OPTC: variants seen among roughly 807,000 people sequenced by gnomAD.
OPTC encodes opticin, also known as oculoglycan.
OPTC carries 22 observed loss-of-function variants against 25.4 expected under a neutral mutation model. The ratio of observed to expected loss-of-function variants is 0.87; its 90% CI spans 0.62 to 1.24. The LOEUF is 1.24. Among genes scored for constraint, OPTC ranks in the 50% most tolerant of loss-of-function variants. The pLI is 0.00. For synonymous variants in OPTC, 169 were observed against 179.3 expected (o/e 0.94, Z 0.46); for missense variants, 417 against 425.2 (o/e 0.98, Z 0.17).
At chr1:203,505,731 T>C (rs1354001033) in intron 7 of OPTC, among the ~76,000 whole-genome samples, 1 of 152,130 alleles carries the variant, frequency 6.6e-6, no homozygotes, top group East Asian at 1.9e-4. Context: ...GGGAGGTGAC[T>C]TCATGCCGTC....
At chr1:203,504,423 G>A (rs895470631) in intron 7 of OPTC, among the ~76,000 whole-genome samples, 2 of 152,144 alleles carry the variant, frequency 1.3e-5, no homozygotes, top group Non-Finnish European at 2.9e-5. Context: ...CATCATATCG[G>A]TGGTTTAAAA....
At chr1:203,496,492 C>T (rs1041097805) in intron 2 of OPTC, among the ~76,000 whole-genome samples, 1 of 152,142 alleles carries the variant, frequency 6.6e-6, no homozygotes, top group Non-Finnish European at 1.5e-5. Context: ...GGGAGGGGTT[C>T]GCAATGTCCT....
rs773717416 is a variant in OPTC, at chr1:203,499,776, G to A, written c.657G>A (p.Leu219=). 1.9e-6 allele frequency: 3 copies of A among 1,612,816 alleles called. No homozygotes were observed. Among genetic ancestry groups the A allele is most frequent in the Admixed American group, 3.3e-5 (2 of 59,990 alleles). Residue 219 remains leucine (L), a synonymous_variant, in exon 5 of 8, where the codon CTG becomes CTA. Transcript: ENST00000367222. ...PENQLEALPV[L]PSGIEFLDVR... ...ACCAGTTGGAAGCTCTGCCCGTGCT[G>A]CCCAGTGGCATTGAGTTCCTGGATG...
In OPTC at chr1:203,498,681, G is replaced by T; in HGVS notation, c.371G>T (p.Gly124Val). 6.2e-7 allele frequency: 1 copy of T among 1,614,184 alleles called. No individual in the cohort carries two copies. Among genetic ancestry groups the T allele is most frequent in the Non-Finnish European group, 8.5e-7 (1 of 1,180,028 alleles). ...TTGTTCTGTCTTCCACCTGGGCCAG[G>T]TCTGCCCACCTGCCTGGTCTGCGTG... ...GLLLSSQPNH[G>V]LPTCLVCVCL... Residue 124 changes from glycine (G) to valine (V), a missense_variant and splice_region_variant, in exon 4 of 8, where the codon GGT becomes GTT. By Grantham distance (109) the Gly-to-Val change is moderately radical (BLOSUM62 -3). Transcript: ENST00000367222.
intron 4 of OPTC, among the ~76,000 whole-genome samples, chr1:203,499,082 G>A (rs148812166): frequency 1.3e-5 from 2 of 152,326 alleles, no homozygotes; most frequent in East Asian, 3.9e-4. Flanking sequence ...GCTGGGAGGG[G>A]AAGGTATGAT....
chr1:203,502,763 G>A, intron 5 of OPTC, 151 bp from the exon 6 acceptor site: 1 of 702,140 alleles, frequency 1.4e-6, no homozygotes, highest in Non-Finnish European at 2.6e-6. Flanking sequence ...GGCAACCCCT[G>A]TGGCACCCAG....
chr1:203,497,224 G>T (rs1461890478), intron 3 of OPTC, 109 bp downstream of exon 3: 1 of 1,160,488 alleles, frequency 8.6e-7, no homozygotes, highest in Non-Finnish European at 1.3e-6. Context: ...GGGGCATGGA[G>T]GGTCAGGGCT....
Position 203,496,120 on chromosome 1 carries a change from G to A in OPTC, c.115G>A (p.Asp39Asn), listed in dbSNP as rs538644252. Residue 39 changes from aspartate to asparagine, a missense_variant, in exon 2 of 8, where the codon GAT becomes AAT. Transcript: ENST00000367222. ...AGAGGAGCAGATGCCCAGGGAAGGCGATTCCTTTGAAGTTCTGCCTCTGCG... is the reference window on the plus strand; with the variant it reads ...AGAGGAGCAGATGCCCAGGGAAGGCAATTCCTTTGAAGTTCTGCCTCTGCG... ...RREEQMPREG[D>N]SFEVLPLRND... 26 of 1,614,076 alleles carry A rather than the reference G, an allele frequency of 1.6e-5. No individual in the cohort carries two copies. The highest frequency in any genetic ancestry group is 1.5e-4 in the African/African-American group (11 of 75,048).
At chr1:203,501,194 G>T (rs983546381) in intron 5 of OPTC, among the ~76,000 whole-genome samples, 1 of 152,116 alleles carries the variant, frequency 6.6e-6, no homozygotes, top group Non-Finnish European at 1.5e-5. Flanking sequence ...TCTGCCTCCC[G>T]TGTTCAAGCA....
At chr1:203,506,982 T>C (rs1661502016) in intron 7 of OPTC, among the ~76,000 whole-genome samples, 1 of 152,172 alleles carries the variant, frequency 6.6e-6, no homozygotes, top group African/African-American at 2.4e-5. Flanking sequence ...TCTTGGCTAA[T>C]CCCCCATTTT....
intron 1 of OPTC, among the ~76,000 whole-genome samples, chr1:203,495,163 A>T (rs1174854985): frequency 6.6e-6 from 1 of 152,182 alleles, no homozygotes; most frequent in Non-Finnish European, 1.5e-5. Context: ...TGTGCCTGGA[A>T]CTCAATAGAC....
At chr1:203,504,780 T>A (rs960483429) in intron 7 of OPTC, among the ~76,000 whole-genome samples, 36 of 152,250 alleles carry the variant, frequency 2.4e-4, no homozygotes, top group African/African-American at 7.2e-4. Flanking sequence ...TGAGCGTGGT[T>A]GGCTCAGCCA....
In OPTC at chr1:203,503,557, T is replaced by G; in HGVS notation, c.836T>G (p.Leu279Arg). Reference sequence around the variant, plus strand: ...GGTATGTGTTCTTCCCAGAATAACCTGATAGAGACCATGCAGAGAGACGTC... The same window carrying G: ...GGTATGTGTTCTTCCCAGAATAACCGGATAGAGACCATGCAGAGAGACGTC... ...SLRSVHLQNN[L>R]IETMQRDVFC... The change falls in exon 7 of 8, where the codon CTG becomes CGG. Residue 279 changes from leucine (L) to arginine (R), a missense_variant. Physicochemically the swap from Leu to Arg is moderately radical, Grantham distance 102. Transcript: ENST00000367222. 1 of 1,613,480 alleles carries G rather than the reference T, an allele frequency of 6.2e-7. No individual in the cohort carries two copies. Among genetic ancestry groups the G allele is most frequent in the Non-Finnish European group, 8.5e-7 (1 of 1,180,008 alleles).
chr1:203,502,993 G>C lies in OPTC; in HGVS notation c.812G>C (p.Arg271Pro). Residue 271 changes from arginine (R) to proline (P), a missense_variant, in exon 6 of 8, where the codon CGC becomes CCC. Physicochemically the swap from Arg to Pro is moderately radical, Grantham distance 103. Transcript: ENST00000367222. ...SIPGPLPLSLRSVHLQNNLIE... is the reference protein window; with the variant it reads ...SIPGPLPLSLPSVHLQNNLIE... ...CCGGGGCCTTTGCCCCTGAGCCTGC[G>C]CTCTGTACACCTGCAGGTAAGGAGC... 2.5e-6 allele frequency: 4 copies of C among 1,613,676 alleles called. No individual in the cohort carries two copies. Among genetic ancestry groups the C allele is most frequent in the Non-Finnish European group, 3.4e-6 (4 of 1,179,840 alleles).
intron 2 of OPTC, 42 bp downstream of exon 2, chr1:203,496,278 T>C (rs749619933): frequency 1.4e-5 from 21 of 1,449,014 alleles, no homozygotes; most frequent in Non-Finnish European, 2.0e-5. Flanking sequence ...TGCATGACAC[T>C]GGGAGTCAGA....
intron 1 of OPTC, 41 bp from the exon 2 acceptor site, chr1:203,495,924 T>C: frequency 1.1e-6 from 1 of 901,124 alleles, no homozygotes; most frequent in Non-Finnish European, 1.8e-6. Context: ...CTGGAGAGCC[T>C]GTCCCTCAGA....
At chr1:203,495,910 C>A in intron 1 of OPTC, 55 bp from the exon 2 acceptor site, 1 of 821,646 alleles carries the variant, frequency 1.2e-6, no homozygotes. Flanking sequence ...ATTCCCACAA[C>A]ACTCTGGAGA....
intron 7 of OPTC, among the ~76,000 whole-genome samples, chr1:203,504,116 A>T (rs1196668916): frequency 6.6e-6 from 1 of 152,200 alleles, no homozygotes; most frequent in Non-Finnish European, 1.5e-5. Flanking sequence ...GAGAGCAGTG[A>T]TGTGCTGGAG....
intron 2 of OPTC, among the ~76,000 whole-genome samples, chr1:203,496,514 C>G (rs1243714585): frequency 5.9e-5 from 9 of 152,186 alleles, no homozygotes; most frequent in African/African-American, 2.2e-4. Context: ...ATCATATTCT[C>G]TAGGAAATAA....
Sources: allele counts gnomAD v4.1 joint callset (sites outside exome capture counted in the v4.1 genomes callset), GRCh38; gene constraint gnomAD v4.1.1; transcripts MANE v1.5; gene names NCBI Gene and HGNC (gene_info 2026-07-23, HGNC 2026-07-21).